FAM13A: variants seen among roughly 807,000 people sequenced by gnomAD.
FAM13A encodes protein FAM13A.
FAM13A carries 76 observed loss-of-function variants against 129.6 expected under a neutral mutation model. That is an observed-to-expected ratio of 0.59 (90% CI 0.49 to 0.71). FAM13A has a LOEUF of 0.71. FAM13A is among the 30% of genes least tolerant of loss of function. The pLI is 0.00. For synonymous variants in FAM13A, 443 were observed against 449.9 expected, an observed-to-expected ratio of 0.98 and a Z score of 0.20; for missense variants, 1,108 against 1,249.3, an observed-to-expected ratio of 0.89 and a Z score of 1.70.
At chr4:88,912,535 A>G (rs1303930408) in intron 5 of FAM13A, among the ~76,000 whole-genome samples, 2 of 149,730 alleles carry the variant, frequency 1.3e-5, no homozygotes, top group African/African-American at 5.0e-5. Flanking sequence ...GCCAAACCCC[A>G]TAATAAATCA....
intron 6 of FAM13A, among the ~76,000 whole-genome samples, chr4:88,900,344 A>T (rs115743183): frequency 6.6e-6 from 1 of 151,924 alleles, no homozygotes; most frequent in Admixed American, 6.6e-5. Context: ...ACACATAATC[A>T]TCAGATCCTC....
chr4:88,858,468 C>G (rs1738920322), intron 6 of FAM13A, among the ~76,000 whole-genome samples: 1 of 152,114 alleles, frequency 6.6e-6, no homozygotes, highest in African/African-American at 2.4e-5. Context: ...CTGCAATATT[C>G]ATGGTAGGCA....
intron 3 of FAM13A, among the ~76,000 whole-genome samples, chr4:88,993,652 T>C (rs1763185080): frequency 6.6e-6 from 1 of 152,084 alleles, no homozygotes; most frequent in African/African-American, 2.4e-5. Context: ...AGCCAAACAA[T>C]GGGAAGGGAG....
intron 2 of FAM13A, among the ~76,000 whole-genome samples, chr4:89,024,308 T>C (rs9993181): frequency 0.48 from 73,047 of 151,944 alleles, 17,991 homozygotes; most frequent in Middle Eastern, 0.57. Flanking sequence ...GCATAACCTA[T>C]AGTATCTTCA....
intron 6 of FAM13A, among the ~76,000 whole-genome samples, chr4:88,896,300 T>C (rs1461646237): frequency 6.6e-6 from 1 of 150,594 alleles, no homozygotes; most frequent in Non-Finnish European, 1.5e-5. Flanking sequence ...GGGATACCAT[T>C]GGGAGATACA....
At chr4:88,750,319 G>T in intron 15 of FAM13A, 105 bp downstream of exon 15, 1 of 899,908 alleles carries the variant, frequency 1.1e-6, no homozygotes, top group Non-Finnish European at 1.8e-6. Flanking sequence ...TTGCTCCATA[G>T]GCTCACGACT....
chr4:88,904,216 G>A (rs1184736089), intron 6 of FAM13A, among the ~76,000 whole-genome samples: 1 of 152,078 alleles, frequency 6.6e-6, no homozygotes, highest in Non-Finnish European at 1.5e-5. Context: ...TGGTGATTCT[G>A]CAAAGATCTA....
intron 3 of FAM13A, among the ~76,000 whole-genome samples, chr4:89,008,701 A>G (rs570488127): frequency 5.9e-4 from 90 of 152,304 alleles, no homozygotes; most frequent in Admixed American, 1.6e-3. Context: ...TATCTATGAA[A>G]TATTTGTAGG....
intron 5 of FAM13A, among the ~76,000 whole-genome samples, chr4:88,922,613 T>C (rs1438353916): frequency 1.3e-5 from 2 of 151,736 alleles, no homozygotes; most frequent in African/African-American, 4.8e-5. Context: ...AGATCCAAAA[T>C]TGACACTCTA....
chr4:89,037,182 C>T (rs1769495632), intron 1 of FAM13A, among the ~76,000 whole-genome samples: 2 of 152,208 alleles, frequency 1.3e-5, no homozygotes, highest in Admixed American at 1.3e-4. Flanking sequence ...TGTAAGCAAT[C>T]AATGCTATCC....
At chr4:88,948,994 T>G (rs1756452538) in intron 4 of FAM13A, among the ~76,000 whole-genome samples, 1 of 152,254 alleles carries the variant, frequency 6.6e-6, no homozygotes, top group Non-Finnish European at 1.5e-5. Flanking sequence ...ATTTATTCAC[T>G]GTAAGTATCA....
In FAM13A at chr4:88,938,185, G is replaced by A; in HGVS notation, c.662C>T (p.Ala221Val). ...KEQDLCNKIM[A>V]KILENYNTLF... ...GGTATTGTAATTTTCTAGAATTTTAGCCATTATCTTGTTGCACAGGTCCTG... is the reference window on the plus strand; with the variant it reads ...GGTATTGTAATTTTCTAGAATTTTAACCATTATCTTGTTGCACAGGTCCTG... The change falls in exon 5 of 24, where the codon GCT becomes GTT. Residue 221 changes from alanine to valine, a missense_variant. By Grantham distance (64) the Ala-to-Val change is moderately conservative (BLOSUM62 0). Transcript: ENST00000264344. The A allele has an allele frequency of 6.2e-7, 1 of 1,613,024 alleles. No homozygotes were observed. Among genetic ancestry groups the A allele is most frequent in the Non-Finnish European group, 8.5e-7 (1 of 1,179,270 alleles).
intron 20 of FAM13A, among the ~76,000 whole-genome samples, chr4:88,738,580 C>T (rs968119361): frequency 1.3e-5 from 2 of 152,156 alleles, no homozygotes; most frequent in African/African-American, 4.8e-5. Flanking sequence ...GCCTCTCTCT[C>T]GTTTCTCAGA....
chr4:88,839,539 G>T (rs1210200337), intron 7 of FAM13A, among the ~76,000 whole-genome samples: 1 of 151,914 alleles, frequency 6.6e-6, no homozygotes, highest in African/African-American at 2.4e-5. Flanking sequence ...GATTGAATGT[G>T]AGATGCTTGT....
At chr4:88,923,859 A>T (rs1379257543) in intron 5 of FAM13A, among the ~76,000 whole-genome samples, 2 of 152,216 alleles carry the variant, frequency 1.3e-5, no homozygotes, top group African/African-American at 4.8e-5. Context: ...GCAAAGTCTC[A>T]GGATACAAAA....
At position 88,990,944 on chromosome 4, in the gene FAM13A, A is replaced by G. The variant is rs1408100081; in HGVS notation, c.605+29T>C. ...AGTAAACACAAAGGGGGACATGATG[A>G]TATTAACAGTAAAACTCCACTAACT... On this transcript the variant is annotated intron_variant, in intron 4 of 23. Transcript: ENST00000264344. The G allele has an allele frequency of 3.2e-6, 5 of 1,552,148 alleles. No individual in the cohort carries two copies. In the East Asian group the frequency reaches 6.7e-5, roughly 21 times the overall value.
In FAM13A at chr4:88,906,455, T is replaced by C. The variant is rs1748182843; in HGVS notation, c.767A>G (p.Tyr256Cys). Residue 256 changes from tyrosine to cysteine, a missense_variant, in exon 6 of 24, where the codon TAT becomes TGT. Coordinates refer to ENST00000264344, the MANE Select transcript of FAM13A (RefSeq NM_014883.4). The part of the protein sequence containing the change: ...LARLIIVKEV[Y>C]YKNSLPILLT... ...AAGGATGGGCAGGGAGTTCTTATAA[T>C]AGACCTCCTACAAAAGAAGTATAAA... 8.1e-6 allele frequency: 13 copies of C among 1,599,032 alleles called. No individual in the cohort carries two copies. Among genetic ancestry groups the C allele is most frequent in the Admixed American group, 1.7e-5 (1 of 58,400 alleles).
intron 7 of FAM13A, among the ~76,000 whole-genome samples, chr4:88,818,267 T>C (rs1731179916): frequency 6.6e-6 from 1 of 151,952 alleles, no homozygotes; most frequent in African/African-American, 2.4e-5. Flanking sequence ...CCTTCCAGAG[T>C]GCTGGGATTA....
At chr4:88,741,706 AAAAGG>A (rs1740298634) in intron 19 of FAM13A, among the ~76,000 whole-genome samples, 1 of 152,240 alleles carries the variant, frequency 6.6e-6, no homozygotes, top group African/African-American at 2.4e-5. Context: ...ACGTGATGCC[AAAAGG>A]AAACGTTCAT....
Sources: gnomAD v4.1 joint callset for allele counts (sites outside exome capture counted in the v4.1 genomes callset) on GRCh38, gnomAD v4.1.1 for gene constraint, MANE v1.5 for transcripts, NCBI Gene and HGNC (gene_info 2026-07-23, HGNC 2026-07-21) for gene names.